Variants in SBF2 observed in about 807,000 individuals in gnomAD.
The protein encoded by SBF2 is myotubularin-related protein 13.
In SBF2, 112 loss-of-function variants were observed where a neutral mutation model predicts 225.2. That is an observed-to-expected ratio of 0.50 (90% CI 0.43 to 0.58). The LOEUF (loss-of-function observed/expected upper bound fraction) is 0.58, where lower values mean the gene tolerates loss of function less well. SBF2 is among the 20% of genes least tolerant of loss of function. SBF2 has a pLI of 0.00. For missense variants in SBF2, 1,996 were observed against 2,206.2 expected, an observed-to-expected ratio of 0.90 and a Z score of 1.91; for synonymous variants, 763 against 773.3, an observed-to-expected ratio of 0.99 and a Z score of 0.22.
chr11:9,822,370 C>A (rs1854809395), intron 28 of SBF2, among the ~76,000 whole-genome samples: 1 of 151,532 alleles, frequency 6.6e-6, no homozygotes, highest in South Asian at 2.1e-4. Flanking sequence ...AAGCCATTCT[C>A]CTGCCTCAGC....
chr11:10,023,255 G>T (rs559234848), intron 6 of SBF2, among the ~76,000 whole-genome samples: 1 of 152,172 alleles, frequency 6.6e-6, no homozygotes, highest in Non-Finnish European at 1.5e-5. Flanking sequence ...TATTTGCTGG[G>T]TTTCAACCAA....
At chr11:10,027,628 T>C (rs1240117455) in intron 6 of SBF2, among the ~76,000 whole-genome samples, 1 of 152,086 alleles carries the variant, frequency 6.6e-6, no homozygotes, top group African/African-American at 2.4e-5. Flanking sequence ...AGGCAGGATA[T>C]ATAAAGGACA....
At chr11:10,088,092 C>T (rs1435726447) in intron 2 of SBF2, among the ~76,000 whole-genome samples, 2 of 151,464 alleles carry the variant, frequency 1.3e-5, no homozygotes, top group African/African-American at 4.9e-5. Context: ...GGCGTGATCT[C>T]AGCTCACTGC....
At chr11:10,300,281 A>T (rs1964582615) in intron 1 of SBF2, among the ~76,000 whole-genome samples, 1 of 152,192 alleles carries the variant, frequency 6.6e-6, no homozygotes, top group South Asian at 2.1e-4. Context: ...TATGTTGAGA[A>T]CTTAGCACAG....
chr11:10,170,556 A>C (rs1956143516), intron 2 of SBF2, among the ~76,000 whole-genome samples: 1 of 152,092 alleles, frequency 6.6e-6, no homozygotes, highest in Non-Finnish European at 1.5e-5. Context: ...GAAGTCAGAT[A>C]ATGTAATTCT....
chr11:9,958,875 T>C, intron 16 of SBF2: 1 of 672,074 alleles, frequency 1.5e-6, no homozygotes, highest in Non-Finnish European at 2.8e-6. Flanking sequence ...TGGCCAACAG[T>C]CTGGGGAATG....
At chr11:9,997,155 G>A (rs1011122110) in intron 9 of SBF2, among the ~76,000 whole-genome samples, 2 of 151,992 alleles carry the variant, frequency 1.3e-5, no homozygotes, top group African/African-American at 4.8e-5. Context: ...GTAATCCTAG[G>A]CTTCTAAGTT....
At chr11:10,299,775 C>T (rs760280510) in intron 1 of SBF2, among the ~76,000 whole-genome samples, 11 of 152,156 alleles carry the variant, frequency 7.2e-5, no homozygotes, top group Non-Finnish European at 1.3e-4. Context: ...TCCAGAGTAC[C>T]ACCACCGTGC....
At chr11:10,260,354 C>A (rs1458056105) in intron 1 of SBF2, among the ~76,000 whole-genome samples, 2 of 152,178 alleles carry the variant, frequency 1.3e-5, no homozygotes, top group Non-Finnish European at 2.9e-5. Context: ...GAGGCCAAGG[C>A]AGGAGGATCA....
chr11:10,064,218 T>C (rs1016883585), intron 2 of SBF2, among the ~76,000 whole-genome samples: 9 of 152,132 alleles, frequency 5.9e-5, no homozygotes, highest in Non-Finnish European at 7.4e-5. Flanking sequence ...GAAAGAGTAC[T>C]CTTGCTGTAT....
chr11:10,185,951 C>T (rs1467145028), intron 2 of SBF2, among the ~76,000 whole-genome samples: 1 of 152,116 alleles, frequency 6.6e-6, no homozygotes, highest in African/African-American at 2.4e-5. Flanking sequence ...ATCCTTTTCA[C>T]TCTCAAAAAC....
chr11:9,780,574 G>C (rs1441109196), intron 39 of SBF2, 58 bp from the exon 40 acceptor site: 8 of 1,420,522 alleles, frequency 5.6e-6, no homozygotes, highest in Non-Finnish European at 7.0e-6. Context: ...TTATGGATTT[G>C]GGTAAGTGGT....
chr11:10,289,727 G>A (rs1421422765), intron 1 of SBF2, among the ~76,000 whole-genome samples: 1 of 152,128 alleles, frequency 6.6e-6, no homozygotes, highest in Non-Finnish European at 1.5e-5. Context: ...TGGGTGTGGT[G>A]ACCACGCTGC....
At chr11:10,085,165 G>A (rs1414583099) in intron 2 of SBF2, among the ~76,000 whole-genome samples, 1 of 152,114 alleles carries the variant, frequency 6.6e-6, no homozygotes. Flanking sequence ...TGAAAATACT[G>A]TTTTTTCAGG....
intron 6 of SBF2, among the ~76,000 whole-genome samples, chr11:10,004,028 C>T (rs1211914410): frequency 6.6e-6 from 1 of 151,902 alleles, no homozygotes; most frequent in Non-Finnish European, 1.5e-5. Flanking sequence ...ATTGCTATTC[C>T]CTCTTATCAC....
In SBF2 at chr11:9,816,948, C is replaced by T. The variant is rs1854487430; in HGVS notation, c.3870G>A (p.Leu1290=). 1.2e-6 allele frequency: 2 copies of T among 1,614,158 alleles called. No individual in the cohort carries two copies. Among genetic ancestry groups the T allele is most frequent in the South Asian group, 2.2e-5 (2 of 91,088 alleles). ...PTSFIDVGAR[L]AGKDHSASFS... ...AGGAGGCCGAGTGATCCTTGCCTGCCAGCCGGGCGCCAACATCAATGAAGG... is the reference window on the plus strand; with the variant it reads ...AGGAGGCCGAGTGATCCTTGCCTGCTAGCCGGGCGCCAACATCAATGAAGG... Residue 1290 remains leucine (L), a synonymous_variant, in exon 29 of 40, where the codon CTG becomes CTA. Transcript: ENST00000256190.
intron 1 of SBF2, among the ~76,000 whole-genome samples, chr11:10,255,975 A>G (rs1960833145): frequency 6.6e-6 from 1 of 152,234 alleles, no homozygotes; most frequent in Non-Finnish European, 1.5e-5. Flanking sequence ...AGTCAACACC[A>G]TTCACATCAA....
intron 1 of SBF2, among the ~76,000 whole-genome samples, chr11:10,234,502 A>C (rs566115038): frequency 6.6e-6 from 1 of 152,272 alleles, no homozygotes; most frequent in African/African-American, 2.4e-5. Flanking sequence ...TGAGTGGCCC[A>C]ATTTGTACCT....
chr11:9,891,234 G>C (rs533234680), intron 17 of SBF2, among the ~76,000 whole-genome samples: 1 of 151,988 alleles, frequency 6.6e-6, no homozygotes, highest in African/African-American at 2.4e-5. Context: ...ACAAAAGTAT[G>C]CTACTGTGGT....
Sources: allele counts gnomAD v4.1 joint callset (sites outside exome capture counted in the v4.1 genomes callset), GRCh38; gene constraint gnomAD v4.1.1; transcripts MANE v1.5; gene names NCBI Gene and HGNC (gene_info 2026-07-23, HGNC 2026-07-21).